PREX2: variants seen among roughly 807,000 people sequenced by gnomAD.
PREX2 encodes phosphatidylinositol-3,4,5-trisphosphate dependent Rac exchange factor 2, also known as phosphatidylinositol 3,4,5-trisphosphate-dependent Rac exchanger 2 protein.
In PREX2, 107 loss-of-function variants were observed where a neutral mutation model predicts 203.2. The ratio of observed to expected loss-of-function variants is 0.53; its 90% CI spans 0.45 to 0.62. The LOEUF (loss-of-function observed/expected upper bound fraction) is 0.62, where lower values mean the gene tolerates loss of function less well. Among genes scored for constraint, PREX2 ranks in the 20% least tolerant of loss-of-function variants. PREX2 has a pLI of 0.00. For missense variants in PREX2, 1,777 were observed against 1,955.9 expected (o/e 0.91, Z 1.72); for synonymous variants, 672 against 663.6 (o/e 1.01, Z -0.19).
chr8:68,173,391 C>T (rs372717715), intron 35 of PREX2, among the ~76,000 whole-genome samples: 139 of 152,240 alleles, frequency 9.1e-4, no homozygotes, highest in African/African-American at 3.0e-3. Context: ...TGTAGTGACA[C>T]TTTGAAAACA....
At chr8:68,163,255 A>C (rs1811688583) in intron 35 of PREX2, among the ~76,000 whole-genome samples, 1 of 152,222 alleles carries the variant, frequency 6.6e-6, no homozygotes, top group Non-Finnish European at 1.5e-5. Context: ...CTAGTTTAAA[A>C]GGACAGTTGT....
chr8:68,112,743 A>C (rs532657024), intron 25 of PREX2, among the ~76,000 whole-genome samples: 1 of 152,142 alleles, frequency 6.6e-6, no homozygotes, highest in South Asian at 2.1e-4. Context: ...CAGGGAGAGG[A>C]AATCCTGCTT....
chr8:68,090,317 T>C (rs1410357642), intron 19 of PREX2, among the ~76,000 whole-genome samples: 4 of 152,196 alleles, frequency 2.6e-5, no homozygotes, highest in Non-Finnish European at 5.9e-5. Flanking sequence ...AAGAACTGAT[T>C]AGTATTATAA....
rs1809744837 is a variant in PREX2, at chr8:68,087,827, C to T, written c.2113+18C>T. The T allele has an allele frequency of 6.4e-7, 1 of 1,555,166 alleles. No homozygotes were observed. The highest frequency in any genetic ancestry group is 1.4e-5 in the African/African-American group (1 of 73,756). ...AGGAAGAGGTAGGAAATTCGTCTTG[C>T]AGGGAAACAGCTTTCCAGCAGGTTT... On this transcript the variant is annotated intron_variant, in intron 19 of 39. Coordinates refer to ENST00000288368, the MANE Select transcript of PREX2 (RefSeq NM_024870.4).
chr8:67,996,955 T>C (rs1336516800), intron 1 of PREX2, among the ~76,000 whole-genome samples: 1 of 152,210 alleles, frequency 6.6e-6, no homozygotes, highest in Non-Finnish European at 1.5e-5. Context: ...TAATTATGAT[T>C]TTTGCCATTA....
At chr8:68,046,421 T>G (rs994752029) in intron 8 of PREX2, among the ~76,000 whole-genome samples, 1 of 152,048 alleles carries the variant, frequency 6.6e-6, no homozygotes, top group African/African-American at 2.4e-5. Flanking sequence ...GGGAATGAGA[T>G]CCTATGAAGG....
chr8:68,111,462 C>G (rs1810533261), intron 25 of PREX2, among the ~76,000 whole-genome samples: 2 of 152,044 alleles, frequency 1.3e-5, no homozygotes, highest in Non-Finnish European at 1.5e-5. Context: ...CCAAGGAGCT[C>G]CTTTTACTTG....
At chr8:67,991,442 T>G (rs748273734) in intron 1 of PREX2, among the ~76,000 whole-genome samples, 1 of 152,082 alleles carries the variant, frequency 6.6e-6, no homozygotes, top group Non-Finnish European at 1.5e-5. Context: ...CAGTTCAGCA[T>G]AGCTAGGGAG....
intron 10 of PREX2, among the ~76,000 whole-genome samples, chr8:68,058,162 G>A (rs566869903): frequency 6.6e-6 from 1 of 152,268 alleles, no homozygotes; most frequent in Admixed American, 6.5e-5. Context: ...CAATGATAAA[G>A]CCACTCATTG....
chr8:67,982,861 C>A (rs1365777095), intron 1 of PREX2, among the ~76,000 whole-genome samples: 3 of 152,192 alleles, frequency 2.0e-5, no homozygotes, highest in East Asian at 3.9e-4. Context: ...CCCGCCTTAA[C>A]ATTATATTTA....
chr8:68,134,315 G>C (rs1287749651), intron 32 of PREX2, 39 bp downstream of exon 32: 1 of 1,469,264 alleles, frequency 6.8e-7, no homozygotes, highest in Non-Finnish European at 9.5e-7. Context: ...TGTGTCAACT[G>C]TAACCTGCAC....
At chr8:68,212,530 G>A (rs1812759066) in intron 37 of PREX2, among the ~76,000 whole-genome samples, 1 of 152,142 alleles carries the variant, frequency 6.6e-6, no homozygotes, top group African/African-American at 2.4e-5. Context: ...TATTCAGAAT[G>A]TAAGAAAAAT....
rs140661228 is a variant in PREX2, at chr8:67,964,199, C to T, written c.141+11664C>T. Among the ~76,000 whole-genome samples the T allele has an allele frequency of 1.8e-4, 28 of 152,326 alleles. 1 individual carries two copies. The East Asian group carries it at 3.1e-3, about 17-fold the overall frequency. On this transcript the variant is annotated intron_variant, in intron 1 of 39. Coordinates refer to ENST00000288368, the MANE Select transcript of PREX2 (RefSeq NM_024870.4). The stretch of plus-strand genomic sequence containing the variant: ...GGAGACAAAGTGGAGGGCAAGCACT[C>T]CCTTTAAGGATATGACCCAGAAATG...
intron 37 of PREX2, among the ~76,000 whole-genome samples, chr8:68,211,792 A>G (rs935391707): frequency 2.6e-5 from 4 of 152,150 alleles, no homozygotes; most frequent in Non-Finnish European, 5.9e-5. Flanking sequence ...GAAAGCGTAA[A>G]GAAGTTGTGG....
At chr8:68,025,214 A>G (rs1476584126) in intron 4 of PREX2, among the ~76,000 whole-genome samples, 4 of 151,506 alleles carry the variant, frequency 2.6e-5, no homozygotes, top group African/African-American at 9.7e-5. Flanking sequence ...TTTTTTTTAA[A>G]TCTGCGAATG....
chr8:68,124,510 G>A (rs1810848881), intron 30 of PREX2, among the ~76,000 whole-genome samples: 1 of 152,030 alleles, frequency 6.6e-6, no homozygotes, highest in African/African-American at 2.4e-5. Flanking sequence ...TAGGAGGAGG[G>A]AGAGGATCAG....
intron 1 of PREX2, among the ~76,000 whole-genome samples, chr8:68,012,781 A>T (rs893665047): frequency 2.6e-5 from 4 of 152,214 alleles, no homozygotes; most frequent in Admixed American, 2.6e-4. Context: ...ATCATTTTAT[A>T]ATTATTGTTC....
At chr8:67,986,419 T>A (rs1806427367) in intron 1 of PREX2, among the ~76,000 whole-genome samples, 1 of 152,246 alleles carries the variant, frequency 6.6e-6, no homozygotes, top group Non-Finnish European at 1.5e-5. Flanking sequence ...AGCGTAGGGC[T>A]GCTCCATCCA....
chr8:68,038,347 T>A, intron 7 of PREX2, 55 bp downstream of exon 7: 1 of 1,579,682 alleles, frequency 6.3e-7, no homozygotes, highest in Non-Finnish European at 8.6e-7. Flanking sequence ...TACCTTTCCC[T>A]CTGTGCTTCC....
Sources: gnomAD v4.1 joint callset for allele counts (sites outside exome capture counted in the v4.1 genomes callset) on GRCh38, gnomAD v4.1.1 for gene constraint, MANE v1.5 for transcripts, NCBI Gene and HGNC (gene_info 2026-07-23, HGNC 2026-07-21) for gene names.